Variants in ENPP2 observed in about 807,000 individuals in gnomAD.
ENPP2 encodes the protein autotaxin.
In ENPP2, 51 loss-of-function variants were observed where a neutral mutation model predicts 120.2. The ratio of observed to expected loss-of-function variants is 0.42; its 90% CI spans 0.34 to 0.54. The LOEUF (loss-of-function observed/expected upper bound fraction) is 0.54. Among genes scored for constraint, ENPP2 ranks in the 20% least tolerant of loss-of-function variants. ENPP2 has a pLI of 0.04. For synonymous variants in ENPP2, 365 were observed against 366.4 expected (o/e 1.00, Z 0.04); for missense variants, 920 against 1,066.5 (o/e 0.86, Z 1.91).
chr8:119,623,256 G>A (rs1025865040), intron 3 of ENPP2, among the ~76,000 whole-genome samples: 5 of 152,072 alleles, frequency 3.3e-5, no homozygotes, highest in African/African-American at 1.2e-4. Flanking sequence ...GTGAGGTCAG[G>A]AGTTCGAGAC....
At chr8:119,567,442 A>G (rs1814564431) in intron 22 of ENPP2, among the ~76,000 whole-genome samples, 2 of 152,234 alleles carry the variant, frequency 1.3e-5, no homozygotes, top group Non-Finnish European at 1.5e-5. Context: ...TGACATTTCT[A>G]TGATCACACA....
At chr8:119,662,940 G>A (rs1055550294) in intron 1 of ENPP2, among the ~76,000 whole-genome samples, 8 of 152,082 alleles carry the variant, frequency 5.3e-5, no homozygotes, top group South Asian at 4.2e-4. Flanking sequence ...GTGAAACCCC[G>A]TCTCTACCAA....
At chr8:119,673,272 T>C in exon 1 of ENPP2, 2 of 1,535,300 alleles carry the variant, frequency 1.3e-6, no homozygotes, top group African/African-American at 1.4e-5. Flanking sequence ...TGGCGGGTCA[T>C]GCTGCGGGAG....
intron 1 of ENPP2, among the ~76,000 whole-genome samples, chr8:119,654,587 T>C (rs1027696135): frequency 4.0e-5 from 6 of 151,094 alleles, no homozygotes; most frequent in Non-Finnish European, 7.4e-5. Flanking sequence ...TCAAGCAATG[T>C]TCCCGCCTCA....
chr8:119,581,476 A>G (rs1812731726), intron 18 of ENPP2, among the ~76,000 whole-genome samples: 2 of 151,984 alleles, frequency 1.3e-5, no homozygotes, highest in Admixed American at 1.3e-4. Context: ...AGTACAGGGG[A>G]GGAAGATGAC....
chr8:119,579,626 T>C (rs989097499), intron 19 of ENPP2, among the ~76,000 whole-genome samples: 3 of 152,130 alleles, frequency 2.0e-5, no homozygotes, highest in African/African-American at 4.8e-5. Flanking sequence ...CTCGTTATCA[T>C]TGTACGTAAA....
intron 1 of ENPP2, among the ~76,000 whole-genome samples, chr8:119,668,856 CCTCT>C (rs1467178469): frequency 1.3e-5 from 2 of 152,150 alleles, no homozygotes; most frequent in African/African-American, 4.8e-5. Context: ...TCTGTCTCTT[CCTCT>C]CTCTGTCTCT....
At chr8:119,619,433 T>C in intron 4 of ENPP2, 129 bp from the exon 5 acceptor site, 1 of 607,970 alleles carries the variant, frequency 1.6e-6, no homozygotes, top group Non-Finnish European at 2.8e-6. Flanking sequence ...AAAAAAAAAA[T>C]TCTGAAAAAA....
chr8:119,595,139 G>A (rs959793249), intron 11 of ENPP2, among the ~76,000 whole-genome samples: 4 of 152,218 alleles, frequency 2.6e-5, no homozygotes, highest in African/African-American at 9.6e-5. Context: ...TGAACAATGT[G>A]TTTTGATCTT....
At chr8:119,620,677 TA>T (rs1232639614) in intron 4 of ENPP2, among the ~76,000 whole-genome samples, 1 of 152,230 alleles carries the variant, frequency 6.6e-6, no homozygotes, top group Non-Finnish European at 1.5e-5. Context: ...TTAAAGAGAA[TA>T]ACTGCATCTT....
At position 119,557,631 on chromosome 8, in the gene ENPP2, G is replaced by C. The variant is rs752514086; in HGVS notation, c.2482C>G (p.Arg828Gly). The change falls in exon 25 of 25, where the codon CGT (arginine) becomes GGT (glycine). Residue 828 changes from arginine to glycine, a missense_variant. Transcript: ENST00000075322. ...ELMKMHTARV[R>G]DIEHLTSLDF... ...AGGCTGGTGAGATGTTCAATGTCAC[G>C]CACCCTAGCTGTGTGCATCTTCATG... is the stretch of plus-strand genomic sequence containing the variant. 1.2e-6 allele frequency: 2 copies of C among 1,609,558 alleles called. No individual in the cohort carries two copies. Among genetic ancestry groups the C allele is most frequent in the Non-Finnish European group, 1.7e-6 (2 of 1,178,656 alleles).
At chr8:119,626,530 T>C (rs370362806) in intron 3 of ENPP2, 35 bp downstream of exon 3, 18 of 1,592,382 alleles carry the variant, frequency 1.1e-5, no homozygotes, top group Non-Finnish European at 1.4e-5. Flanking sequence ...TTAAGCCATC[T>C]ACTTGAAGGT....
At chr8:119,577,215 CT>C (rs1363163637) in intron 19 of ENPP2, among the ~76,000 whole-genome samples, 9 of 152,162 alleles carry the variant, frequency 5.9e-5, no homozygotes, top group Admixed American at 2.0e-4. Context: ...AATAGTACAA[CT>C]TTACATCTGT....
intron 3 of ENPP2, among the ~76,000 whole-genome samples, chr8:119,621,977 G>A (rs2130743982): frequency 6.6e-6 from 1 of 152,072 alleles, no homozygotes; most frequent in East Asian, 1.9e-4. Context: ...TGCCCACTCT[G>A]GAGTGCTGTG....
intron 4 of ENPP2, 31 bp downstream of exon 4, chr8:119,621,363 A>G (rs763187764): frequency 6.2e-7 from 1 of 1,608,210 alleles, no homozygotes; most frequent in Non-Finnish European, 8.5e-7. Context: ...TTATTCTTTT[A>G]AAGCTCAGGC....
chr8:119,613,529 T>C (rs910165704), intron 8 of ENPP2, among the ~76,000 whole-genome samples: 1 of 152,184 alleles, frequency 6.6e-6, no homozygotes, highest in African/African-American at 2.4e-5. Context: ...TTAATTTAAT[T>C]ATCAATCTAA....
In ENPP2 at chr8:119,563,097, C is replaced by A. The variant is rs1814109746; in HGVS notation, c.2265-84G>T. On this transcript the variant is annotated intron_variant, in intron 23 of 24. Transcript: ENST00000075322. ...TTTAAATGGTGATCAATGAATATTG[C>A]CTAAGTCACTAAAATTAATCCCCAT... 2.6e-6 allele frequency: 3 copies of A among 1,146,054 alleles called. No homozygotes were observed. The South Asian group carries it at 4.5e-5, about 17-fold the overall frequency. The allele number at this position is 1,146,054 out of a possible 1,614,324, so 71.0% of individuals were successfully genotyped here.
intron 8 of ENPP2, among the ~76,000 whole-genome samples, chr8:119,614,889 G>A (rs1815355062): frequency 6.6e-6 from 1 of 152,152 alleles, no homozygotes. Context: ...ACTTCTGGGA[G>A]TCCAGCCTGA....
intron 2 of ENPP2, among the ~76,000 whole-genome samples, chr8:119,632,388 G>A (rs750619156): frequency 9.9e-5 from 15 of 152,172 alleles, no homozygotes; most frequent in African/African-American, 3.1e-4. Context: ...TGAGGCATTT[G>A]CTAATACCTT....
Sources: gnomAD v4.1 joint callset for allele counts (sites outside exome capture counted in the v4.1 genomes callset) on GRCh38, gnomAD v4.1.1 for gene constraint, MANE v1.5 for transcripts, NCBI Gene and HGNC (gene_info 2026-07-23, HGNC 2026-07-21) for gene names.